The following TTC21B variants were observed in gnomAD, a reference collection of about 807,000 sequenced individuals.
The protein encoded by TTC21B is tetratricopeptide repeat protein 21B.
A neutral mutation model predicts 175.1 loss-of-function variants in TTC21B; 127 were observed. That is an observed-to-expected ratio of 0.73 (90% CI 0.63 to 0.84). The LOEUF (loss-of-function observed/expected upper bound fraction) is 0.84. Among genes scored for constraint, TTC21B ranks in the 40% least tolerant of loss-of-function variants. The pLI, the probability that TTC21B is intolerant of heterozygous loss-of-function variation, is 0.00. For missense variants in TTC21B, 1,561 were observed against 1,558.3 expected, an observed-to-expected ratio of 1.00 and a Z score of -0.03; for synonymous variants, 524 against 524.5, an observed-to-expected ratio of 1.00 and a Z score of 0.01.
chr2:165,905,049 T>C (rs1441221047), intron 19 of TTC21B, among the ~76,000 whole-genome samples: 4 of 152,132 alleles, frequency 2.6e-5, no homozygotes, highest in African/African-American at 9.7e-5. Flanking sequence ...CTAAAAATCT[T>C]CCAGTGTCTG....
At chr2:165,874,906 G>A (rs1477160203) in intron 28 of TTC21B, 74 bp from the exon 29 acceptor site, 1 of 1,297,798 alleles carries the variant, frequency 7.7e-7, no homozygotes, top group Admixed American at 1.7e-5. Context: ...AAACTTATAA[G>A]AAATGAGCAT....
chr2:165,886,763 T>C (rs1324314207), intron 25 of TTC21B, among the ~76,000 whole-genome samples: 1 of 152,190 alleles, frequency 6.6e-6, no homozygotes, highest in South Asian at 2.1e-4. Flanking sequence ...CAAAATAAAC[T>C]TTCTCATTGT....
At chr2:165,900,191 G>T (rs1332961208) in intron 20 of TTC21B, among the ~76,000 whole-genome samples, 3 of 152,088 alleles carry the variant, frequency 2.0e-5, no homozygotes, top group Non-Finnish European at 4.4e-5. Flanking sequence ...GGCCAAGTCA[G>T]GTCCCTTCTA....
chr2:165,933,621 G>T (rs774190563), intron 6 of TTC21B, among the ~76,000 whole-genome samples: 3 of 152,120 alleles, frequency 2.0e-5, no homozygotes, highest in Non-Finnish European at 4.4e-5. Context: ...AAAAAGAACT[G>T]AACCAAAAAG....
Position 165,883,958 on chromosome 2 carries a change from G to T in TTC21B, c.3520C>A (p.Pro1174Thr), listed in dbSNP as rs1411466812. The T allele has an allele frequency of 6.2e-7, 1 of 1,613,970 alleles. No homozygotes were observed. ...CGCTTCAGCTGGTTTCTGGCTCGTG[G>T]AGTCTGTTTCAAGATCATATAAGCC... is the stretch of plus-strand genomic sequence containing the variant. Reference protein sequence around the residue: ...ATAYMILKQTPRARNQLKRIA... With the variant: ...ATAYMILKQTTRARNQLKRIA... Residue 1174 changes from proline (P) to threonine (T), a missense_variant, in exon 26 of 29, where the codon CCA (proline) becomes ACA (threonine). Transcript: ENST00000243344.
At chr2:165,921,885 G>A (rs972812631) in intron 12 of TTC21B, among the ~76,000 whole-genome samples, 14 of 148,812 alleles carry the variant, frequency 9.4e-5, no homozygotes, top group African/African-American at 3.5e-4. Context: ...ACATGAATAA[G>A]TTATTTAGTG....
intron 18 of TTC21B, among the ~76,000 whole-genome samples, chr2:165,909,198 C>T (rs1358782175): frequency 1.3e-5 from 2 of 151,798 alleles, no homozygotes; most frequent in South Asian, 2.1e-4. Context: ...AATTGGCTAT[C>T]CATTTTGGAA....
intron 18 of TTC21B, among the ~76,000 whole-genome samples, chr2:165,908,770 C>A (rs1035130495): frequency 1.3e-5 from 2 of 152,000 alleles, no homozygotes; most frequent in Non-Finnish European, 2.9e-5. Context: ...ATATAATATA[C>A]CCATTGTAAC....
chr2:165,901,740 G>A lies in TTC21B; in HGVS notation c.2739C>T (p.His913=). The A allele has an allele frequency of 6.2e-7, 1 of 1,614,070 alleles. No individual in the cohort carries two copies. ...TACTGACCTTATTATCTGTTTCGCA[G>A]TGAACCAGAGCCTCTCTATAAAACT... ...AIKFYREALV[H]CETDNKIMLE... The change falls in exon 20 of 29, where the codon CAC becomes CAT. Residue 913 remains histidine (H), a synonymous_variant. Transcript: ENST00000243344.
intron 6 of TTC21B, chr2:165,934,588 G>A (rs1171613793): frequency 1.0e-5 from 1 of 95,922 alleles, no homozygotes; most frequent in Admixed American, 1.4e-4. Flanking sequence ...AAACTGAGGA[G>A]AGAATAGGCT....
Position 165,913,328 on chromosome 2 carries a change from A to C in TTC21B, c.2211+246T>G, listed in dbSNP as rs539607183. On this transcript the variant is annotated intron_variant, in intron 16 of 28. Coordinates refer to ENST00000243344, the MANE Select transcript of TTC21B (RefSeq NM_024753.5). ...GGCATGAACCACCGTGCCTGGCCTC[A>C]TCTCTATTTCAAATAACAATAGTGC... 7.9e-5 allele frequency among the ~76,000 whole-genome samples: 12 copies of C among 152,188 alleles called. No individual in the cohort carries two copies. The South Asian group carries it at 2.3e-3, about 29-fold the overall frequency.
Position 165,874,009 on chromosome 2 carries a change from T to A in TTC21B, c.*746A>T, listed in dbSNP as rs1416018093. 1 of 151,968 alleles carries A rather than the reference T, an allele frequency of 6.6e-6. No individual in the cohort carries two copies. The highest frequency in any genetic ancestry group is 1.5e-5 in the Non-Finnish European group (1 of 68,004). 9.4% of individuals were successfully genotyped at this position (151,968 alleles called of 1,614,324 possible). On this transcript the variant is annotated 3_prime_UTR_variant, in exon 29 of 29. Coordinates refer to ENST00000243344, the MANE Select transcript of TTC21B (RefSeq NM_024753.5). Reference sequence around the variant, plus strand: ...TATATATATTGTCTTTTTCATGAGTTATTTACAGGGAGATTTATTCCAATT... The same window carrying A: ...TATATATATTGTCTTTTTCATGAGTAATTTACAGGGAGATTTATTCCAATT...
intron 7 of TTC21B, among the ~76,000 whole-genome samples, chr2:165,932,256 CA>C (rs1686938182): frequency 6.6e-6 from 1 of 151,922 alleles, no homozygotes; most frequent in East Asian, 1.9e-4. Context: ...GGTTTATATT[CA>C]AAATATATTC....
chr2:165,915,457 A>C lies in TTC21B; in HGVS notation c.1900-18T>G. The C allele has an allele frequency of 6.3e-7, 1 of 1,578,532 alleles. No individual in the cohort carries two copies. Among genetic ancestry groups the C allele is most frequent in the Non-Finnish European group, 8.7e-7 (1 of 1,147,534 alleles). ...GCCTCATGCTGTAAAGATGAAATTAAAATAATCATTCTTCCAAAATAGTGA... is the reference window on the plus strand; with the variant it reads ...GCCTCATGCTGTAAAGATGAAATTACAATAATCATTCTTCCAAAATAGTGA... On this transcript the variant is annotated intron_variant, in intron 14 of 28. Coordinates refer to ENST00000243344, the MANE Select transcript of TTC21B (RefSeq NM_024753.5).
chr2:165,938,322 T>C (rs1438057426), intron 6 of TTC21B, among the ~76,000 whole-genome samples: 1 of 152,030 alleles, frequency 6.6e-6, no homozygotes, highest in Admixed American at 6.6e-5. Context: ...TTTATAGGTA[T>C]TCTAGCTAAG....
intron 22 of TTC21B, among the ~76,000 whole-genome samples, chr2:165,898,194 A>T (rs957956870): frequency 1.2e-4 from 19 of 152,302 alleles, no homozygotes; most frequent in Admixed American, 4.6e-4. Context: ...ATAATTCAAG[A>T]GAGAGAACTG....
chr2:165,904,348 G>C (rs985579946), intron 19 of TTC21B, among the ~76,000 whole-genome samples: 1 of 151,966 alleles, frequency 6.6e-6, no homozygotes, highest in Non-Finnish European at 1.5e-5. Context: ...AACTTAGATA[G>C]ATATCACAGA....
intron 10 of TTC21B, 135 bp from the exon 11 acceptor site, chr2:165,929,470 CTT>C (rs1686803215): frequency 1.1e-6 from 1 of 931,398 alleles, no homozygotes; most frequent in South Asian, 1.5e-5. Context: ...CTTGAATAGA[CTT>C]TTAGAATCAT....
chr2:165,925,927 CTAAGAA>C (rs1427127928), intron 11 of TTC21B, among the ~76,000 whole-genome samples: 1 of 151,960 alleles, frequency 6.6e-6, no homozygotes, highest in African/African-American at 2.4e-5. Context: ...TTGTCACCTG[CTAAGAA>C]TGAGTTATTG....
Sources: allele counts gnomAD v4.1 joint callset (sites outside exome capture counted in the v4.1 genomes callset), GRCh38; gene constraint gnomAD v4.1.1; transcripts MANE v1.5; gene names NCBI Gene and HGNC (gene_info 2026-07-23, HGNC 2026-07-21).